SLC4A4: variants seen among roughly 807,000 people sequenced by gnomAD.
The protein encoded by SLC4A4 is solute carrier family 4 member 4, also known as electrogenic sodium bicarbonate cotransporter 1.
SLC4A4 carries 27 observed loss-of-function variants against 111.5 expected under a neutral mutation model. The ratio of observed to expected loss-of-function variants is 0.24; its 90% CI spans 0.18 to 0.33. SLC4A4 has a LOEUF of 0.33. Among genes scored for constraint, SLC4A4 ranks in the 10% least tolerant of loss-of-function variants. The pLI, the probability that SLC4A4 is intolerant of heterozygous loss-of-function variation, is 1.00. For synonymous variants in SLC4A4, 443 were observed against 463.4 expected (o/e 0.96, Z 0.57); for missense variants, 909 against 1,315.5 (o/e 0.69, Z 4.78).
At chr4:71,217,652 G>T (rs1008783759) in intron 1 of SLC4A4, among the ~76,000 whole-genome samples, 1 of 152,148 alleles carries the variant, frequency 6.6e-6, no homozygotes, top group Non-Finnish European at 1.5e-5. Flanking sequence ...CTTATTATAT[G>T]GTTGCTTTTC....
In SLC4A4 at chr4:71,555,729, G is replaced by A. The variant is rs921399107; in HGVS notation, c.2763+521G>A. Among the ~76,000 whole-genome samples, 8 of 152,024 alleles carry A rather than the reference G, an allele frequency of 5.3e-5. No individual in the cohort carries two copies. In the East Asian group the frequency reaches 1.6e-3, roughly 30 times the overall value. ...AGCTATTCATAACTTTGGGAAAACT[G>A]ACACACTTTTAATAAAATCATTATC... On this transcript the variant is annotated intron_variant, in intron 21 of 25. Coordinates refer to ENST00000264485, the MANE Select transcript of SLC4A4 (RefSeq NM_001098484.3).
intron 7 of SLC4A4, among the ~76,000 whole-genome samples, chr4:71,401,093 C>G (rs559108307): frequency 6.6e-6 from 1 of 152,200 alleles, no homozygotes; most frequent in Non-Finnish European, 1.5e-5. Context: ...CCTGGAGCTA[C>G]CTAACTTCTT....
intron 18 of SLC4A4, among the ~76,000 whole-genome samples, chr4:71,539,531 A>G (rs1398610228): frequency 1.3e-5 from 2 of 152,164 alleles, no homozygotes; most frequent in Non-Finnish European, 2.9e-5. Flanking sequence ...TCCAGCCAGA[A>G]ACCTCTTCTC....
intron 20 of SLC4A4, among the ~76,000 whole-genome samples, chr4:71,554,308 A>C (rs565959376): frequency 3.2e-4 from 49 of 151,894 alleles, no homozygotes; most frequent in African/African-American, 1.2e-3. Context: ...CTTCTTTTCA[A>C]ATTCTAAGGT....
chr4:71,148,015 T>C (rs1459331887), intron 2 of SLC4A4, among the ~76,000 whole-genome samples: 1 of 152,100 alleles, frequency 6.6e-6, no homozygotes, highest in Non-Finnish European at 1.5e-5. Flanking sequence ...AAAGTTCAGG[T>C]AAGTGACTAG....
intron 2 of SLC4A4, among the ~76,000 whole-genome samples, chr4:71,101,274 C>CA (rs1320746294): frequency 5.9e-5 from 9 of 151,596 alleles, no homozygotes; most frequent in African/African-American, 1.4e-4. Context: ...AACAAAAAAA[C>CA]AAAAAAAATT....
chr4:71,403,271 C>A (rs1326901174), intron 7 of SLC4A4, among the ~76,000 whole-genome samples: 2 of 152,042 alleles, frequency 1.3e-5, no homozygotes, highest in African/African-American at 4.8e-5. Context: ...CCTAAAACAC[C>A]CCATCACTGC....
At chr4:71,087,585 A>G (rs903169390) in intron 1 of SLC4A4, among the ~76,000 whole-genome samples, 17 of 152,044 alleles carry the variant, frequency 1.1e-4, no homozygotes, top group Non-Finnish European at 2.2e-4. Context: ...AATGTGTCCC[A>G]GAGATTCTGG....
intron 6 of SLC4A4, among the ~76,000 whole-genome samples, chr4:71,359,984 C>T (rs898066070): frequency 6.6e-6 from 1 of 152,106 alleles, no homozygotes; most frequent in African/African-American, 2.4e-5. Context: ...CTGGAGTCAG[C>T]TCTAATCTGC....
At chr4:71,149,003 C>A (rs1405158243) in intron 2 of SLC4A4, among the ~76,000 whole-genome samples, 2 of 152,140 alleles carry the variant, frequency 1.3e-5, no homozygotes, top group Admixed American at 6.5e-5. Context: ...TTTACACTCC[C>A]AACAACAGTG....
intron 2 of SLC4A4, among the ~76,000 whole-genome samples, chr4:71,099,791 A>G (rs1742669145): frequency 6.6e-6 from 1 of 152,204 alleles, no homozygotes. Context: ...GACCCACAGA[A>G]ATAAAAGTAA....
rs536630338 is a variant in SLC4A4 at position 71,224,366 on chromosome 4, C to T, written c.-1-12210C>T. ...ATTTGGAGAGTTTTAACAGATCAGT[C>T]GAATTGGCTAAAAAGAGGCAGCTTG... is the stretch of plus-strand genomic sequence containing the variant. On this transcript the variant is annotated intron_variant, in intron 1 of 25. Transcript: ENST00000264485. Among the ~76,000 whole-genome samples the T allele has an allele frequency of 1.2e-4, 19 of 152,126 alleles. 1 individual carries two copies. Among genetic ancestry groups the T allele is most frequent in the Non-Finnish European group, 2.5e-4 (17 of 68,030 alleles).
chr4:71,107,375 C>G (rs1742960858), intron 2 of SLC4A4, among the ~76,000 whole-genome samples: 1 of 151,836 alleles, frequency 6.6e-6, no homozygotes, highest in African/African-American at 2.4e-5. Flanking sequence ...GAGATGGAGT[C>G]TAGCTCTGTC....
chr4:71,561,929 G>A (rs1462682475), intron 23 of SLC4A4, among the ~76,000 whole-genome samples: 3 of 151,650 alleles, frequency 2.0e-5, no homozygotes, highest in Admixed American at 1.3e-4. Context: ...GTGTGAAGTC[G>A]GGGATTATGG....
intron 2 of SLC4A4, among the ~76,000 whole-genome samples, chr4:71,145,884 T>C (rs1173906461): frequency 2.0e-5 from 3 of 152,164 alleles, no homozygotes; most frequent in African/African-American, 7.2e-5. Flanking sequence ...TTTGTTGATC[T>C]TTTCAAAAAA....
chr4:71,065,169 A>C (rs1041630682), intron 1 of SLC4A4, among the ~76,000 whole-genome samples: 1 of 152,224 alleles, frequency 6.6e-6, no homozygotes, highest in African/African-American at 2.4e-5. Flanking sequence ...AGTGGCATTT[A>C]TAAGATTTTT....
rs573804465 is a variant in SLC4A4, at chr4:71,160,003, A to T, written c.-2+67211A>T. Among the ~76,000 whole-genome samples the T allele has an allele frequency of 2.0e-5, 3 of 152,306 alleles. No homozygotes were observed. The South Asian group carries it at 6.2e-4, about 32-fold the overall frequency. On this transcript the variant is annotated intron_variant, in intron 2 of 26. Coordinates refer to the SLC4A4 transcript ENST00000649996. ...GCAATTTGGAATCTGTCATAATAAT[A>T]CCTAACATTTATTGAATGCTTACTA...
At chr4:71,322,292 G>T (rs149805713) in intron 3 of SLC4A4, among the ~76,000 whole-genome samples, 1 of 152,040 alleles carries the variant, frequency 6.6e-6, no homozygotes, top group African/African-American at 2.4e-5. Context: ...TTGGCAATGT[G>T]GGGATGAAGT....
At chr4:71,458,582 A>C (rs1277961562) in intron 12 of SLC4A4, among the ~76,000 whole-genome samples, 1 of 152,050 alleles carries the variant, frequency 6.6e-6, no homozygotes, top group Admixed American at 6.6e-5. Flanking sequence ...AGCACATTTT[A>C]AGGGAACTTG....
Sources: allele counts gnomAD v4.1 joint callset (sites outside exome capture counted in the v4.1 genomes callset), GRCh38; gene constraint gnomAD v4.1.1; transcripts MANE v1.5; gene names NCBI Gene and HGNC (gene_info 2026-07-23, HGNC 2026-07-21).